The following ATRX variants were observed in gnomAD, a reference collection of about 807,000 sequenced individuals.
ATRX encodes ATRX chromatin remodeler, also known as chromatin remodeler ATRX.
In ATRX, 12 loss-of-function variants were observed where a neutral mutation model predicts 172.6. The ratio of observed to expected loss-of-function variants is 0.07; its 90% confidence interval spans 0.04 to 0.11. ATRX has a LOEUF of 0.11. ATRX is among the 10% of genes least tolerant of loss of function. The pLI is 1.00. For synonymous variants in ATRX, 674 were observed against 594.7 expected (o/e 1.13, Z -1.94); for missense variants, 1,368 against 1,767.4 (o/e 0.77, Z 4.05).
At chrX:77,606,747 C>A (rs2066920383) in intron 22 of ATRX, among the ~76,000 whole-genome samples, 2 of 66,452 alleles carry the variant, frequency 3.0e-5, no homozygotes. Flanking sequence ...ACATAGAGAC[C>A]TCATCTCTAC....
chrX:77,552,448 A>G (rs782534918), intron 30 of ATRX, among the ~76,000 whole-genome samples: 1 of 73,824 alleles, frequency 1.4e-5, no homozygotes, highest in Non-Finnish European at 2.4e-5. Context: ...AACATCACAT[A>G]CCAGGGCCTG....
chrX:77,588,888 C>T (rs2066133792), intron 27 of ATRX, among the ~76,000 whole-genome samples: 1 of 111,623 alleles, frequency 9.0e-6, no homozygotes, highest in Non-Finnish European at 1.9e-5. Flanking sequence ...CATTATTAGT[C>T]ATTAGAGAAA....
chrX:77,521,718 A>G, intron 32 of ATRX: 1 of 326,528 alleles, frequency 3.1e-6, no homozygotes, highest in Non-Finnish European at 5.4e-6. Flanking sequence ...TTATCACACC[A>G]ATAATTTAAT....
At chrX:77,749,964 T>A (rs2075237415) in intron 1 of ATRX, among the ~76,000 whole-genome samples, 1 of 110,686 alleles carries the variant, frequency 9.0e-6, no homozygotes. Flanking sequence ...CCTTCTGATG[T>A]AACACCAGAA....
At chrX:77,602,523 C>A (rs950784726) in intron 22 of ATRX, among the ~76,000 whole-genome samples, 1 of 108,950 alleles carries the variant, frequency 9.2e-6, no homozygotes, top group Admixed American at 1.0e-4. Context: ...GATCTTTCTT[C>A]TTTTTTAATA....
At chrX:77,611,818 TA>T (rs2067168964) in intron 22 of ATRX, among the ~76,000 whole-genome samples, 1 of 111,974 alleles carries the variant, frequency 8.9e-6, no homozygotes, top group Admixed American at 9.5e-5. Context: ...ATAGTTATGC[TA>T]AATTACCCTA....
chrX:77,594,795 C>A (rs888337783), intron 25 of ATRX: 2 of 111,585 alleles, frequency 1.8e-5, no homozygotes, highest in Non-Finnish European at 3.8e-5. Context: ...ATGTTTTTTA[C>A]TGCATGTGTA....
At chrX:77,603,221 C>G (rs2066747140) in intron 22 of ATRX, among the ~76,000 whole-genome samples, 1 of 110,893 alleles carries the variant, frequency 9.0e-6, no homozygotes, top group Non-Finnish European at 1.9e-5. Flanking sequence ...AATAAAGAGA[C>G]CAAGGCTACT....
At chrX:77,690,186 C>T (rs1603235622) in intron 6 of ATRX, among the ~76,000 whole-genome samples, 1 of 111,726 alleles carries the variant, frequency 9.0e-6, no homozygotes, top group Non-Finnish European at 1.9e-5. Context: ...AGCAATCCTC[C>T]TACCTCAGCC....
At chrX:77,698,531 G>C (rs2072314745) in intron 3 of ATRX, 43 bp downstream of exon 3, 1 of 1,122,683 alleles carries the variant, frequency 8.9e-7, no homozygotes, top group Non-Finnish European at 1.2e-6. Flanking sequence ...TGCTCTACTT[G>C]GTTAATCGTA....
intron 22 of ATRX, among the ~76,000 whole-genome samples, chrX:77,612,760 G>A (rs1177595267): frequency 9.1e-6 from 1 of 109,958 alleles, no homozygotes; most frequent in Non-Finnish European, 1.9e-5. Flanking sequence ...CATTCCCTTC[G>A]TCCCCCAGAA....
At position 77,523,160 on chromosome X, in the gene ATRX, T is replaced by TCA. The variant is rs1557042306; in HGVS notation, c.6849+91_6849+92insTG. The TCA allele has an allele frequency of 6.0e-5, 63 of 1,058,596 alleles. No individual in the cohort carries two copies. The African/African-American group carries it at 1.1e-3, about 19-fold the overall frequency. The allele number at this position is 1,058,596 out of a possible 1,213,427, so 87.2% of individuals were successfully genotyped here. Reference sequence around the variant, plus strand: ...GTGTTCCTAAAACCCACTATATTATTATTACCTGTTTCAAATGTGACCCTT... The same window carrying TCA: ...GTGTTCCTAAAACCCACTATATTATTCAATTACCTGTTTCAAATGTGACCCTT... On this transcript the variant is annotated intron_variant, in intron 31 of 34. Transcript: ENST00000373344.
Position 77,732,987 on chromosome X carries a change from T to C in ATRX, c.21-15744A>G, listed in dbSNP as rs186582945. ...TCAAATTACCCTTATTTGCAGATGA[T>C]ATGATCTTATATTTAGAAAAACCTA... On this transcript the variant is annotated intron_variant, in intron 1 of 34. Transcript: ENST00000373344. Among the ~76,000 whole-genome samples the C allele has an allele frequency of 4.2e-3, 473 of 112,033 alleles. 5 individuals are homozygous for C. Among genetic ancestry groups the C allele is most frequent in the Middle Eastern group, 0.014 (3 of 217 alleles).
intron 1 of ATRX, among the ~76,000 whole-genome samples, chrX:77,740,677 G>A (rs1466603565): frequency 1.8e-5 from 2 of 110,282 alleles, no homozygotes; most frequent in African/African-American, 6.6e-5. Context: ...ATTTAATCAT[G>A]AGATTACAAA....
At chrX:77,680,453 T>G (rs982050702) in intron 9 of ATRX, among the ~76,000 whole-genome samples, 8 of 111,840 alleles carry the variant, frequency 7.2e-5, no homozygotes, top group Non-Finnish European at 1.1e-4. Flanking sequence ...ATTCCAACAC[T>G]TTGGAAGGCC....
At chrX:77,749,969 C>A (rs1331410518) in intron 1 of ATRX, among the ~76,000 whole-genome samples, 1 of 110,587 alleles carries the variant, frequency 9.0e-6, no homozygotes, top group East Asian at 2.8e-4. Context: ...TGATGTAACA[C>A]CAGAAGGTCA....
intron 1 of ATRX, among the ~76,000 whole-genome samples, chrX:77,720,816 A>C (rs1354835000): frequency 8.9e-6 from 1 of 111,769 alleles, no homozygotes; most frequent in East Asian, 2.8e-4. Context: ...ATCCTCCCTA[A>C]CTCATTTTAT....
At chrX:77,541,606 A>G (rs113917118) in intron 30 of ATRX, among the ~76,000 whole-genome samples, 7,574 of 111,524 alleles carry the variant, frequency 0.068, 273 homozygotes, top group African/African-American at 0.14. Context: ...GCACATCAAA[A>G]AGCTTATCCA....
intron 10 of ATRX, among the ~76,000 whole-genome samples, chrX:77,667,295 A>ATGTGTGTGTGTGTGTGTGTG (rs782297684): frequency 1.1e-5 from 1 of 89,056 alleles, no homozygotes; most frequent in African/African-American, 4.2e-5. Flanking sequence ...ACGAATAAAT[A>ATGTGTGTGTGTGTGTGTGTG]TGTGTGTGTG....
Sources: gnomAD v4.1 joint callset for allele counts (sites outside exome capture counted in the v4.1 genomes callset) on GRCh38, gnomAD v4.1.1 for gene constraint, MANE v1.5 for transcripts, NCBI Gene and HGNC (gene_info 2026-07-23, HGNC 2026-07-21) for gene names.